ZNF106: variants seen among roughly 807,000 people sequenced by gnomAD.
The protein encoded by ZNF106 is zinc finger protein 106, also known as SH3-domain binding protein 3.
A neutral mutation model predicts 195.1 loss-of-function variants in ZNF106; 67 were observed. The observed-to-expected ratio is 0.34, with a 90% CI of 0.28 to 0.42. The LOEUF is 0.42. Among genes scored for constraint, ZNF106 ranks in the 10% least tolerant of loss-of-function variants. The pLI is 1.00. For missense variants in ZNF106, 2,118 were observed against 2,304.5 expected (o/e 0.92, Z 1.66); for synonymous variants, 784 against 818.6 (o/e 0.96, Z 0.72).
In ZNF106 at chr15:42,442,217, AAGT is replaced by A. The variant is rs1274506914; in HGVS notation, c.3616_3618del (p.Thr1206del). ...GCAGGGACACTGCCATGGGTTTGGA[AAGT>A]AGGAGACGTGGTTATTTGAAGAGAG... On this transcript the variant is annotated inframe_deletion, in exon 10 of 22. Coordinates refer to ENST00000564754, the MANE Select transcript of ZNF106 (RefSeq NM_001366845.3). 11 of 1,614,040 alleles carry A rather than the reference AAGT, an allele frequency of 6.8e-6. No individual in the cohort carries two copies. The highest frequency in any genetic ancestry group is 8.5e-6 in the Non-Finnish European group (10 of 1,180,036).
At chr15:42,460,855 C>T (rs1448546195) in intron 3 of ZNF106, among the ~76,000 whole-genome samples, 16 of 127,352 alleles carry the variant, frequency 1.3e-4, no homozygotes, top group Non-Finnish European at 2.2e-4. Context: ...AGCAAAACTC[C>T]GTCTCAAAAA....
intron 1 of ZNF106, among the ~76,000 whole-genome samples, chr15:42,486,403 G>A (rs565792427): frequency 1.3e-5 from 2 of 152,110 alleles, no homozygotes; most frequent in Non-Finnish European, 2.9e-5. Flanking sequence ...GGGATTACAG[G>A]TATACGCTAC....
chr15:42,448,039 T>C, intron 6 of ZNF106, 33 bp downstream of exon 6: 6 of 1,563,196 alleles, frequency 3.8e-6, no homozygotes, highest in Non-Finnish European at 4.3e-6. Flanking sequence ...CCACATGCGA[T>C]GTTCTACAAA....
intron 14 of ZNF106, among the ~76,000 whole-genome samples, chr15:42,429,567 G>T (rs188745168): frequency 6.6e-6 from 1 of 151,960 alleles, no homozygotes; most frequent in African/African-American, 2.4e-5. Flanking sequence ...GCTGTGGCTT[G>T]TCAAATCCAT....
chr15:42,441,012 T>A (rs1363617260), intron 10 of ZNF106, among the ~76,000 whole-genome samples: 4 of 27,194 alleles, frequency 1.5e-4, no homozygotes, highest in African/African-American at 1.2e-3. Context: ...TATATATATA[T>A]ATATATATAT....
intron 1 of ZNF106, among the ~76,000 whole-genome samples, chr15:42,475,350 G>A (rs1255043769): frequency 4.6e-5 from 7 of 152,190 alleles, no homozygotes; most frequent in Non-Finnish European, 7.3e-5. Context: ...GCTGAGGCAG[G>A]AGAATCGCTT....
chr15:42,448,607 T>C lies in ZNF106; in HGVS notation c.2600A>G (p.Glu867Gly), dbSNP rs2055861664. ...DLSSLEGFQWEGVSISSSPGL... is the reference protein window; with the variant it reads ...DLSSLEGFQWGGVSISSSPGL... ...AGGGGACGAGGAAATGGAAACACCT[T>C]CCCACTGGAATCCTTCTAGACTGGA... The change falls in exon 6 of 22, where the codon GAA (glutamate) becomes GGA (glycine). Residue 867 changes from glutamate (E) to glycine (G), a missense_variant. Coordinates refer to ENST00000564754, the MANE Select transcript of ZNF106 (RefSeq NM_001366845.3). The C allele has an allele frequency of 1.2e-6, 2 of 1,614,024 alleles. No homozygotes were observed. Among genetic ancestry groups the C allele is most frequent in the African/African-American group, 1.3e-5 (1 of 74,932 alleles).
At chr15:42,457,941 CA>C (rs1198251586) in intron 3 of ZNF106, among the ~76,000 whole-genome samples, 1 of 152,138 alleles carries the variant, frequency 6.6e-6, no homozygotes, top group Non-Finnish European at 1.5e-5. Flanking sequence ...ATACTTCATG[CA>C]AATCTCACTT....
intron 20 of ZNF106, 119 bp from the exon 21 acceptor site, chr15:42,418,070 A>T (rs2054521056): frequency 9.1e-7 from 1 of 1,102,416 alleles, no homozygotes. Context: ...CCTTATTTCA[A>T]ATTTATTCTT....
intron 7 of ZNF106, among the ~76,000 whole-genome samples, chr15:42,445,272 T>C (rs974648842): frequency 3.9e-5 from 6 of 152,216 alleles, no homozygotes; most frequent in Admixed American, 6.6e-5. Flanking sequence ...ATCTGTCCCA[T>C]GCAAACCACC....
chr15:42,460,301 C>A (rs2056358122), intron 3 of ZNF106, among the ~76,000 whole-genome samples: 1 of 152,108 alleles, frequency 6.6e-6, no homozygotes, highest in East Asian at 1.9e-4. Context: ...TTAAAAGACA[C>A]AACTAGAAAG....
intron 17 of ZNF106, among the ~76,000 whole-genome samples, chr15:42,423,696 T>C (rs1429681636): frequency 6.6e-6 from 1 of 152,168 alleles, no homozygotes; most frequent in Non-Finnish European, 1.5e-5. Flanking sequence ...TTTTTACTAG[T>C]TCTATTTTAA....
chr15:42,466,427 A>C (rs2056517777), intron 2 of ZNF106, among the ~76,000 whole-genome samples: 1 of 152,198 alleles, frequency 6.6e-6, no homozygotes, highest in South Asian at 2.1e-4. Flanking sequence ...TCCCATTATA[A>C]AGAATTTACT....
chr15:42,466,670 T>A (rs1162088194), intron 2 of ZNF106, among the ~76,000 whole-genome samples: 1 of 152,194 alleles, frequency 6.6e-6, no homozygotes, highest in African/African-American at 2.4e-5. Context: ...AAGAAAGTTT[T>A]AAAAAAATAC....
chr15:42,449,431 A>G (rs1361250873), intron 5 of ZNF106, among the ~76,000 whole-genome samples: 2 of 152,220 alleles, frequency 1.3e-5, no homozygotes, highest in East Asian at 1.9e-4. Context: ...AGATCTAGAA[A>G]AAGACAGAGA....
chr15:42,490,377 C>T (rs1398840074), intron 1 of ZNF106: 1 of 152,138 alleles, frequency 6.6e-6, no homozygotes, highest in East Asian at 1.9e-4. Flanking sequence ...TCTCAAACTT[C>T]TCAATAAGAT....
intron 4 of ZNF106, among the ~76,000 whole-genome samples, chr15:42,452,711 A>G (rs1198028341): frequency 1.6e-5 from 2 of 128,486 alleles, no homozygotes; most frequent in African/African-American, 3.1e-5. Context: ...TTTGAGACAG[A>G]GTCTTGCACT....
intron 1 of ZNF106, among the ~76,000 whole-genome samples, chr15:42,482,093 C>T (rs1417876275): frequency 6.6e-6 from 1 of 152,146 alleles, no homozygotes; most frequent in Non-Finnish European, 1.5e-5. Flanking sequence ...TTCCATTAAG[C>T]CCCATCCAGT....
chr15:42,479,105 G>A (rs907622468), intron 1 of ZNF106, among the ~76,000 whole-genome samples: 3 of 152,104 alleles, frequency 2.0e-5, no homozygotes, highest in Admixed American at 1.3e-4. Flanking sequence ...TAGGAGCTAC[G>A]ACTCACGTCT....
Sources: gnomAD v4.1 joint callset for allele counts (sites outside exome capture counted in the v4.1 genomes callset) on GRCh38, gnomAD v4.1.1 for gene constraint, MANE v1.5 for transcripts, NCBI Gene and HGNC (gene_info 2026-07-23, HGNC 2026-07-21) for gene names.